Variants in RGPD2 observed in about 807,000 individuals in gnomAD.
RGPD2 encodes the protein RANBP2-like and GRIP domain-containing protein 2.
A neutral mutation model predicts 36.0 loss-of-function variants in RGPD2; 2 were observed. That is an observed-to-expected ratio of 0.06 (90% CI 0.02 to 0.17). The LOEUF (loss-of-function observed/expected upper bound fraction) is 0.17, where lower values mean the gene tolerates loss of function less well. RGPD2 is among the 10% of genes least tolerant of loss of function. RGPD2 has a pLI of 1.00. For missense variants in RGPD2, 40 were observed against 464.3 expected (o/e 0.09, Z 8.40); for synonymous variants, 19 against 163.8 (o/e 0.12, Z 6.75).
chr2:87,952,813 T>C, the RGPD2 span, among the ~76,000 whole-genome samples: 1 of 152,014 alleles, frequency 6.6e-6, no homozygotes, highest in African/African-American at 2.4e-5. Context: ...TCCAAGTCTT[T>C]GTTTGTTTCA....
At chr2:87,871,879 A>AG in the RGPD2 span, among the ~76,000 whole-genome samples, 1 of 148,918 alleles carries the variant, frequency 6.7e-6, no homozygotes, top group African/African-American at 2.5e-5. Flanking sequence ...AAAAAAAAAA[A>AG]ATAGATTCAA....
At chr2:87,972,120 A>G in the RGPD2 span, among the ~76,000 whole-genome samples, 2 of 152,224 alleles carry the variant, frequency 1.3e-5, no homozygotes, top group Non-Finnish European at 2.9e-5. Flanking sequence ...TATATCTACC[A>G]GAAATATGGA....
chr2:87,825,450 G>A (rs1165997274), intron 1 of RGPD2, among the ~76,000 whole-genome samples: 1 of 92,774 alleles, frequency 1.1e-5, no homozygotes, highest in Non-Finnish European at 2.4e-5. Context: ...CGCCCGGCCA[G>A]GCCGAGGCCG....
intron 7 of RGPD2, among the ~76,000 whole-genome samples, chr2:87,805,899 C>T (rs1685935782): frequency 7.4e-6 from 1 of 134,902 alleles, no homozygotes. Flanking sequence ...CACAGTGCCT[C>T]GGGCCTGTAA....
chr2:87,918,899 ATTCTTCTATAATT>A, the RGPD2 span, among the ~76,000 whole-genome samples: 1 of 146,018 alleles, frequency 6.8e-6, no homozygotes, highest in Non-Finnish European at 1.5e-5. Flanking sequence ...GGTGATTGTG[ATTCTTCTATAATT>A]TCATTACAAT....
chr2:87,878,252 T>G, the RGPD2 span, among the ~76,000 whole-genome samples: 3 of 150,720 alleles, frequency 2.0e-5, no homozygotes, highest in Non-Finnish European at 4.4e-5. Flanking sequence ...TATTCTTGTC[T>G]GCCTCTGTTA....
At chr2:87,915,340 A>ATGTATATTATATATATTGTATATAT in the RGPD2 span, among the ~76,000 whole-genome samples, 19 of 109,538 alleles carry the variant, frequency 1.7e-4, 1 homozygote, top group African/African-American at 7.6e-4. Context: ...TTGTATATAT[A>ATGTATATTATATATATTGTATATAT]ATGTATATTA....
the RGPD2 span, among the ~76,000 whole-genome samples, chr2:87,986,605 C>T: frequency 6.6e-6 from 1 of 151,902 alleles, no homozygotes; most frequent in Admixed American, 6.6e-5. Context: ...ATGGGCCAGG[C>T]ATGGTGACTC....
chr2:87,986,604 G>A, the RGPD2 span, among the ~76,000 whole-genome samples: 3 of 151,850 alleles, frequency 2.0e-5, no homozygotes, highest in Non-Finnish European at 2.9e-5. Flanking sequence ...TATGGGCCAG[G>A]CATGGTGACT....
chr2:87,978,999 T>C, the RGPD2 span, among the ~76,000 whole-genome samples: 2,273 of 99,312 alleles, frequency 0.023, 11 homozygotes, highest in African/African-American at 0.055. Context: ...CTTTGGGAGG[T>C]CAACATGGGC....
the RGPD2 span, among the ~76,000 whole-genome samples, chr2:87,961,559 G>C: frequency 6.6e-6 from 1 of 151,332 alleles, no homozygotes; most frequent in East Asian, 2.0e-4. Context: ...AAAATTACCC[G>C]GGCGTGGAGG....
At chr2:87,781,538 G>A (rs1167594709) in intron 20 of RGPD2, among the ~76,000 whole-genome samples, 2 of 146,124 alleles carry the variant, frequency 1.4e-5, no homozygotes, top group Admixed American at 1.4e-4. Context: ...TCAGCTCACT[G>A]CTACCTCCAT....
chr2:87,914,642 C>G, the RGPD2 span, among the ~76,000 whole-genome samples: 1 of 117,990 alleles, frequency 8.5e-6, no homozygotes, highest in South Asian at 3.1e-4. Context: ...GTAATATCCT[C>G]TAACTGAAAA....
At chr2:87,840,361 A>G in the RGPD2 span, among the ~76,000 whole-genome samples, 1 of 136,536 alleles carries the variant, frequency 7.3e-6, no homozygotes, top group Non-Finnish European at 1.6e-5. Flanking sequence ...TGGACTTGCC[A>G]TACTCATTGA....
chr2:87,921,500 C>A, the RGPD2 span, among the ~76,000 whole-genome samples: 2 of 152,134 alleles, frequency 1.3e-5, no homozygotes, highest in Admixed American at 1.3e-4. Flanking sequence ...GATCCCAAAG[C>A]AGGAACTTGA....
chr2:87,871,649 C>T, the RGPD2 span, among the ~76,000 whole-genome samples: 1 of 151,988 alleles, frequency 6.6e-6, no homozygotes, highest in Non-Finnish European at 1.5e-5. Flanking sequence ...GCAGATTACC[C>T]GAGATTGGGA....
intron 1 of RGPD2, among the ~76,000 whole-genome samples, chr2:87,823,743 A>AG (rs1337103212): frequency 6.8e-6 from 1 of 147,648 alleles, no homozygotes; most frequent in Non-Finnish European, 1.5e-5. Flanking sequence ...TGTAAAGGGC[A>AG]GAAAAAAAAA....
At chr2:87,874,821 TG>T in the RGPD2 span, among the ~76,000 whole-genome samples, 3 of 151,840 alleles carry the variant, frequency 2.0e-5, no homozygotes, top group African/African-American at 7.2e-5. Flanking sequence ...TAAGGCAGTA[TG>T]GCCATTTTTA....
the RGPD2 span, among the ~76,000 whole-genome samples, chr2:87,860,652 A>T: frequency 6.6e-6 from 1 of 152,166 alleles, no homozygotes; most frequent in African/African-American, 2.4e-5. Flanking sequence ...AAGCTTCAAC[A>T]GGCCACAATA....
Sources: gnomAD v4.1 joint callset for allele counts (sites outside exome capture counted in the v4.1 genomes callset) on GRCh38, gnomAD v4.1.1 for gene constraint, MANE v1.5 for transcripts, NCBI Gene and HGNC (gene_info 2026-07-23, HGNC 2026-07-21) for gene names.